ANTXR1: variants seen among roughly 807,000 people sequenced by gnomAD.
The protein encoded by ANTXR1 is anthrax toxin receptor 1.
Under a neutral mutation model 78.1 loss-of-function variants are expected in ANTXR1, and 19 were observed. The observed-to-expected ratio is 0.24, with a 90% confidence interval of 0.17 to 0.36. The LOEUF is 0.36. Ranked by LOEUF, ANTXR1 falls within the 10% of genes least tolerant of loss-of-function variation. The pLI is 1.00. For synonymous variants in ANTXR1, 273 were observed against 260.5 expected (o/e 1.05, Z -0.46); for missense variants, 518 against 718.6 (o/e 0.72, Z 3.19).
chr2:69,125,611 T>C (rs185470444), intron 12 of ANTXR1, among the ~76,000 whole-genome samples: 2 of 152,154 alleles, frequency 1.3e-5, no homozygotes, highest in Non-Finnish European at 2.9e-5. Flanking sequence ...GAGGCTGAGG[T>C]GCATGGATCA....
At chr2:69,057,509 T>C (rs188988849) in intron 3 of ANTXR1, among the ~76,000 whole-genome samples, 130 of 152,346 alleles carry the variant, frequency 8.5e-4, no homozygotes, top group African/African-American at 3.0e-3. Context: ...TGTTACTATC[T>C]ATTGTCCTTG....
At chr2:69,210,082 G>A (rs919350522) in intron 17 of ANTXR1, among the ~76,000 whole-genome samples, 1 of 152,202 alleles carries the variant, frequency 6.6e-6, no homozygotes, top group Non-Finnish European at 1.5e-5. Flanking sequence ...GAAATGGTGA[G>A]AAGTGGATGG....
At position 69,210,289 on chromosome 2, in the gene ANTXR1, A is replaced by G. The variant is rs59908958; in HGVS notation, c.1434+16874A>G. 2.0e-3 allele frequency among the ~76,000 whole-genome samples: 299 copies of G among 152,328 alleles called. 2 individuals carry two copies. The East Asian group carries it at 0.021, about 11-fold the overall frequency. The stretch of plus-strand genomic sequence containing the variant: ...AATGAAACACTGACAGATTGTCATT[A>G]TTTATCACCCCTTTGTTTTGCTTTG... On this transcript the variant is annotated intron_variant, in intron 17 of 17. Coordinates refer to ENST00000303714, the MANE Select transcript of ANTXR1 (RefSeq NM_032208.3).
At chr2:69,210,662 A>G (rs1051562193) in intron 17 of ANTXR1, among the ~76,000 whole-genome samples, 3 of 152,200 alleles carry the variant, frequency 2.0e-5, no homozygotes, top group Admixed American at 1.3e-4. Flanking sequence ...TTGGCTGGGT[A>G]TGCTGGCTCA....
At chr2:69,143,156 G>A (rs1363147113) in intron 12 of ANTXR1, among the ~76,000 whole-genome samples, 1 of 152,178 alleles carries the variant, frequency 6.6e-6, no homozygotes, top group Admixed American at 6.5e-5. Context: ...GGAATTCCTG[G>A]CAGTAATACT....
intron 17 of ANTXR1, among the ~76,000 whole-genome samples, chr2:69,196,522 G>A (rs1011976031): frequency 6.6e-6 from 1 of 152,160 alleles, no homozygotes; most frequent in Non-Finnish European, 1.5e-5. Flanking sequence ...GGCGAGGCAG[G>A]GGGGGCAATA....
rs138405605 is a variant in ANTXR1, at chr2:69,142,953, C to T, written c.952-9216C>T. 2.1e-3 allele frequency among the ~76,000 whole-genome samples: 319 copies of T among 152,216 alleles called. 2 individuals carry two copies. Among genetic ancestry groups the T allele is most frequent in the African/African-American group, 6.6e-3 (276 of 41,538 alleles). On this transcript the variant is annotated intron_variant, in intron 12 of 17. Transcript: ENST00000303714. ...GACCCCCTGAAATGGTAATAAAAAA[C>T]GTGTGAGCCTGTGCATAAATGTGAA... is the stretch of plus-strand genomic sequence containing the variant.
intron 13 of ANTXR1, among the ~76,000 whole-genome samples, chr2:69,167,291 C>T (rs1048814073): frequency 1.3e-5 from 2 of 152,210 alleles, no homozygotes; most frequent in Non-Finnish European, 2.9e-5. Flanking sequence ...GAAGCAACCA[C>T]GGAGATATCT....
intron 14 of ANTXR1, chr2:69,172,320 C>G (rs752624852): frequency 1.6e-5 from 25 of 1,519,188 alleles, no homozygotes; most frequent in Admixed American, 3.3e-5. Context: ...TGTGTGTTGG[C>G]CCTGTGAGTT....
intron 10 of ANTXR1, among the ~76,000 whole-genome samples, chr2:69,118,801 C>A (rs896673536): frequency 6.6e-6 from 1 of 152,154 alleles, no homozygotes; most frequent in Non-Finnish European, 1.5e-5. Context: ...AGGAAGGAGT[C>A]AGATGACCTG....
At chr2:69,158,418 G>C (rs1673586906) in intron 13 of ANTXR1, among the ~76,000 whole-genome samples, 1 of 152,180 alleles carries the variant, frequency 6.6e-6, no homozygotes, top group Non-Finnish European at 1.5e-5. Context: ...CTCACCTGGG[G>C]AGGATCAGCT....
intron 17 of ANTXR1, among the ~76,000 whole-genome samples, chr2:69,219,518 A>T (rs1374658386): frequency 1.3e-5 from 2 of 151,962 alleles, no homozygotes; most frequent in South Asian, 4.1e-4. Flanking sequence ...TGTATTGCTA[A>T]TGAGCCACAA....
At chr2:69,244,311 C>G (rs560360132) in intron 17 of ANTXR1, among the ~76,000 whole-genome samples, 1 of 152,200 alleles carries the variant, frequency 6.6e-6, no homozygotes. Context: ...AGGGCAGATG[C>G]CTGCTTGGCA....
chr2:69,202,536 C>T (rs573970709), intron 17 of ANTXR1, among the ~76,000 whole-genome samples: 1 of 152,206 alleles, frequency 6.6e-6, no homozygotes, highest in African/African-American at 2.4e-5. Context: ...GTGCGTGTGG[C>T]AGAGATCCAG....
At chr2:69,122,689 C>T (rs1027953327) in intron 10 of ANTXR1, among the ~76,000 whole-genome samples, 4 of 152,148 alleles carry the variant, frequency 2.6e-5, no homozygotes, top group East Asian at 1.9e-4. Context: ...TGGTGTGCTG[C>T]ACCCATTAAC....
chr2:69,236,656 A>AT (rs1675771655), intron 17 of ANTXR1, among the ~76,000 whole-genome samples: 1 of 152,268 alleles, frequency 6.6e-6, no homozygotes, highest in Non-Finnish European at 1.5e-5. Flanking sequence ...TTCTAAAACA[A>AT]TTGACAGATG....
intron 16 of ANTXR1, among the ~76,000 whole-genome samples, chr2:69,189,540 G>A (rs1435729942): frequency 1.3e-5 from 2 of 152,190 alleles, no homozygotes; most frequent in African/African-American, 2.4e-5. Flanking sequence ...ATAGGAGAGA[G>A]GACAGGAACC....
chr2:69,039,026 T>C (rs574505263), intron 1 of ANTXR1, among the ~76,000 whole-genome samples: 2 of 152,118 alleles, frequency 1.3e-5, no homozygotes, highest in Non-Finnish European at 2.9e-5. Flanking sequence ...GAGTGCATAA[T>C]AAATAAAAAT....
At chr2:69,157,400 A>G (rs1431870861) in intron 13 of ANTXR1, among the ~76,000 whole-genome samples, 1 of 152,142 alleles carries the variant, frequency 6.6e-6, no homozygotes, top group African/African-American at 2.4e-5. Flanking sequence ...CCTTGGCTCC[A>G]GAGGACCAGC....
Sources: gnomAD v4.1 joint callset for allele counts (sites outside exome capture counted in the v4.1 genomes callset) on GRCh38, gnomAD v4.1.1 for gene constraint, MANE v1.5 for transcripts, NCBI Gene and HGNC (gene_info 2026-07-23, HGNC 2026-07-21) for gene names.